The following ST18 variants were observed in gnomAD, a reference collection of about 807,000 sequenced individuals.
ST18 encodes suppression of tumorigenicity 18 protein.
Under a neutral mutation model 110.0 loss-of-function variants are expected in ST18, and 50 were observed. The observed-to-expected ratio is 0.45, with a 90% CI of 0.36 to 0.58. The LOEUF is 0.58. ST18 is among the 20% of genes least tolerant of loss of function. ST18 has a pLI of 0.00. For missense variants in ST18, 1,306 were observed against 1,280.1 expected (o/e 1.02, Z -0.31); for synonymous variants, 461 against 452.4 (o/e 1.02, Z -0.24).
intron 11 of ST18, among the ~76,000 whole-genome samples, chr8:52,165,717 G>A (rs1438847930): frequency 2.0e-5 from 3 of 152,346 alleles, no homozygotes; most frequent in East Asian, 3.9e-4. Context: ...ATGGTTGAGC[G>A]AAGAGCCAGA....
chr8:52,117,756 C>T (rs1192302732), intron 24 of ST18, among the ~76,000 whole-genome samples: 2 of 152,158 alleles, frequency 1.3e-5, no homozygotes, highest in Non-Finnish European at 2.9e-5. Flanking sequence ...CTGTCTCATT[C>T]TTTTGCTGCT....
intron 3 of ST18, among the ~76,000 whole-genome samples, chr8:52,227,278 A>G (rs1048984552): frequency 6.6e-6 from 1 of 152,196 alleles, no homozygotes; most frequent in Non-Finnish European, 1.5e-5. Flanking sequence ...TTGCCATGCT[A>G]GACAGTGGGC....
chr8:52,180,883 A>C lies in ST18; in HGVS notation c.87-571T>G, dbSNP rs548081191. Among the ~76,000 whole-genome samples, 41 of 152,360 alleles carry C rather than the reference A, an allele frequency of 2.7e-4. No homozygotes were observed. The South Asian group carries it at 8.5e-3, about 32-fold the overall frequency. On this transcript the variant is annotated intron_variant, in intron 8 of 25. Transcript: ENST00000689386. Reference sequence around the variant, plus strand: ...CATCAAACACAAAAAAAGTGGAAAGATGCTACATGGCATTCTGCCTTCTGA... The same window carrying C: ...CATCAAACACAAAAAAAGTGGAAAGCTGCTACATGGCATTCTGCCTTCTGA...
intron 2 of ST18, among the ~76,000 whole-genome samples, chr8:52,240,374 T>C (rs1200457498): frequency 6.6e-6 from 1 of 152,124 alleles, no homozygotes; most frequent in Non-Finnish European, 1.5e-5. Flanking sequence ...TTTGCTACCT[T>C]ATTATACAGA....
chr8:52,126,014 C>T lies in ST18; in HGVS notation c.2755+38G>A, dbSNP rs919958955. ...CGCTTTGGGGAGCCAGGGTCTACACCCTGCAGGAGGTGGTGACAGCCAGCC... is the reference window on the plus strand; with the variant it reads ...CGCTTTGGGGAGCCAGGGTCTACACTCTGCAGGAGGTGGTGACAGCCAGCC... On this transcript the variant is annotated intron_variant, in intron 23 of 25. Transcript: ENST00000689386. 13 of 1,577,038 alleles carry T rather than the reference C, an allele frequency of 8.2e-6. No individual in the cohort carries two copies. In the Admixed American group the frequency reaches 1.7e-4, roughly 20 times the overall value.
chr8:52,132,235 C>G (rs893302058), intron 21 of ST18, 56 bp from the exon 22 acceptor site: 1 of 1,450,494 alleles, frequency 6.9e-7, no homozygotes, highest in Admixed American at 2.0e-5. Flanking sequence ...TAGTCCTATG[C>G]TCTCCAGAGA....
intron 8 of ST18, among the ~76,000 whole-genome samples, chr8:52,189,999 T>C (rs2073945689): frequency 1.3e-5 from 2 of 152,336 alleles, no homozygotes; most frequent in East Asian, 1.9e-4. Context: ...ATATTCTAGA[T>C]GGAATGGCAA....
intron 2 of ST18, among the ~76,000 whole-genome samples, chr8:52,314,192 A>C (rs1028091346): frequency 6.6e-6 from 1 of 152,036 alleles, no homozygotes; most frequent in Non-Finnish European, 1.5e-5. Flanking sequence ...CCTTGGCCTT[A>C]ACTCCCAGGA....
At chr8:52,372,693 T>C (rs1271298204) in intron 2 of ST18, among the ~76,000 whole-genome samples, 1 of 152,236 alleles carries the variant, frequency 6.6e-6, no homozygotes, top group Non-Finnish European at 1.5e-5. Context: ...ATGCTGTACA[T>C]GTACAGGTTT....
intron 22 of ST18, 125 bp from the exon 23 acceptor site, chr8:52,126,265 C>T (rs2047030756): frequency 1.1e-6 from 1 of 905,016 alleles, no homozygotes. Flanking sequence ...AACCCACAGT[C>T]TCTTTGTAGA....
At chr8:52,165,985 G>A (rs1401511454) in intron 11 of ST18, among the ~76,000 whole-genome samples, 1 of 152,266 alleles carries the variant, frequency 6.6e-6, no homozygotes, top group East Asian at 1.9e-4. Context: ...GTGGAGAGGG[G>A]GCCAAGGCTT....
At chr8:52,260,875 G>T (rs1227869655) in intron 2 of ST18, among the ~76,000 whole-genome samples, 1 of 152,214 alleles carries the variant, frequency 6.6e-6, no homozygotes, top group East Asian at 1.9e-4. Context: ...GCTGTGATTT[G>T]ACATAGTAGA....
chr8:52,159,803 T>C (rs546729639), intron 14 of ST18, among the ~76,000 whole-genome samples: 1 of 152,282 alleles, frequency 6.6e-6, no homozygotes, highest in Admixed American at 6.5e-5. Context: ...GAGTTTCCAT[T>C]TTATGTTTCT....
intron 17 of ST18, among the ~76,000 whole-genome samples, chr8:52,141,078 T>C (rs373845810): frequency 9.1e-4 from 138 of 152,286 alleles, no homozygotes; most frequent in African/African-American, 3.2e-3. Flanking sequence ...TTTGGAACCA[T>C]CCGTTGTATC....
intron 2 of ST18, among the ~76,000 whole-genome samples, chr8:52,239,607 AC>A (rs1205018428): frequency 1.3e-5 from 2 of 151,222 alleles, no homozygotes; most frequent in African/African-American, 4.9e-5. Context: ...AAAGAAAAAT[AC>A]CAAAAAAACA....
At chr8:52,157,726 T>C (rs1365933123) in intron 15 of ST18, among the ~76,000 whole-genome samples, 1 of 152,264 alleles carries the variant, frequency 6.6e-6, no homozygotes, top group Non-Finnish European at 1.5e-5. Flanking sequence ...CAACTCTTCC[T>C]GGGGTTTACT....
At chr8:52,325,496 T>A (rs1564499763) in intron 2 of ST18, among the ~76,000 whole-genome samples, 1 of 152,204 alleles carries the variant, frequency 6.6e-6, no homozygotes, top group Non-Finnish European at 1.5e-5. Context: ...AATGACATAT[T>A]CCCTATAATC....
chr8:52,307,091 GGAA>G lies in ST18; in HGVS notation c.-464-77017_-464-77015del, dbSNP rs201772114. 5.9e-3 allele frequency among the ~76,000 whole-genome samples: 902 copies of G among 152,240 alleles called. 5 individuals are homozygous for G. Among genetic ancestry groups the G allele is most frequent in the African/African-American group, 0.021 (854 of 41,534 alleles). On this transcript the variant is annotated intron_variant, in intron 2 of 25. Coordinates refer to ENST00000689386, the MANE Select transcript of ST18 (RefSeq NM_001352837.2). Reference sequence around the variant, plus strand: ...CCCAGCTACTTGGGAGGTCAAGGCAGGAAGATCACTTGAGTCCAGAAGTTCGAG... The same window carrying G: ...CCCAGCTACTTGGGAGGTCAAGGCAGGATCACTTGAGTCCAGAAGTTCGAG...
intron 8 of ST18, among the ~76,000 whole-genome samples, chr8:52,193,799 C>A (rs1367551066): frequency 6.6e-6 from 1 of 152,204 alleles, no homozygotes; most frequent in Non-Finnish European, 1.5e-5. Context: ...TAAGGATAAT[C>A]CCTGAACTTC....
Sources: allele counts gnomAD v4.1 joint callset (sites outside exome capture counted in the v4.1 genomes callset), GRCh38; gene constraint gnomAD v4.1.1; transcripts MANE v1.5; gene names NCBI Gene and HGNC (gene_info 2026-07-23, HGNC 2026-07-21).